SETD4: variants seen among roughly 807,000 people sequenced by gnomAD.
SETD4 encodes the protein SET domain containing 4.
A neutral mutation model predicts 58.3 loss-of-function variants in SETD4; 46 were observed. That is an observed-to-expected ratio of 0.79 (90% confidence interval 0.62 to 1.01). The LOEUF (loss-of-function observed/expected upper bound fraction) is 1.01, where lower values mean the gene tolerates loss of function less well. Among genes scored for constraint, SETD4 ranks in the 50% least tolerant of loss-of-function variants. The pLI is 0.00. For missense variants in SETD4, 490 were observed against 523.3 expected (o/e 0.94, Z 0.62); for synonymous variants, 190 against 202.6 (o/e 0.94, Z 0.53).
chr21:36,040,685 C>CCAT (rs1314694090), intron 8 of SETD4, 30 bp from the exon 9 acceptor site: 2 of 1,576,470 alleles, frequency 1.3e-6, no homozygotes, highest in Non-Finnish European at 1.7e-6. Flanking sequence ...AATGACAAAT[C>CCAT]CATCATTTCA....
chr21:36,042,565 C>T (rs1268212906), intron 7 of SETD4: 5 of 152,124 alleles, frequency 3.3e-5, no homozygotes, highest in Non-Finnish European at 7.3e-5. Context: ...TTTGAGAAAT[C>T]ACATTATTAT....
rs767180315 is a variant in SETD4, at chr21:36,058,857, A to G, written c.32T>C (p.Ile11Thr). The G allele has an allele frequency of 2.5e-6, 4 of 1,603,160 alleles. No individual in the cohort carries two copies. The East Asian group carries it at 6.7e-5, about 27-fold the overall frequency. MQKGKGRTSR[I>T]RRRKLCGSSE... ...ACTTCCGCAGAGTTTTCGTCTTCTG[A>G]TCCGGCTTGTTCTCCCTTTTCCTTT... The change falls in exon 2 of 12, where the codon ATC becomes ACC. Residue 11 changes from isoleucine to threonine, a missense_variant. Physicochemically the swap from Ile to Thr is moderately conservative, Grantham distance 89. Coordinates refer to ENST00000332131, the MANE Select transcript of SETD4 (RefSeq NM_017438.5).
At chr21:36,055,333 G>C (rs887696782) in intron 3 of SETD4, among the ~76,000 whole-genome samples, 2 of 152,104 alleles carry the variant, frequency 1.3e-5, no homozygotes, top group African/African-American at 2.4e-5. Context: ...TTTTCATATT[G>C]GATATACTAG....
intron 7 of SETD4, 127 bp downstream of exon 7, chr21:36,043,655 G>C: frequency 5.4e-6 from 8 of 1,471,336 alleles, no homozygotes; most frequent in Non-Finnish European, 7.2e-6. Flanking sequence ...GGCCTACCTA[G>C]AAGAAAATTA....
At chr21:36,041,077 G>A (rs1296528609) in intron 8 of SETD4, among the ~76,000 whole-genome samples, 1 of 149,768 alleles carries the variant, frequency 6.7e-6, no homozygotes, top group Admixed American at 6.7e-5. Context: ...GGAGAATGGC[G>A]TGAACCCGGG....
At chr21:36,047,744 A>C (rs1282266662) in intron 5 of SETD4, among the ~76,000 whole-genome samples, 1 of 149,608 alleles carries the variant, frequency 6.7e-6, no homozygotes, top group Admixed American at 6.8e-5. Flanking sequence ...TAATCCCAGC[A>C]CTTTGGGAGG....
Position 36,034,727 on chromosome 21 carries a change from T to TTGAC in SETD4, c.*1262_*1265dup, listed in dbSNP as rs1339037647. The TTGAC allele has an allele frequency of 1.3e-5, 2 of 152,180 alleles. No homozygotes were observed. Among genetic ancestry groups the TTGAC allele is most frequent in the African/African-American group, 2.4e-5 (1 of 41,434 alleles). 9.4% of individuals were successfully genotyped at this position (152,180 alleles called of 1,614,324 possible). On this transcript the variant is annotated 3_prime_UTR_variant, in exon 12 of 12. Transcript: ENST00000332131. ...CCCTGGAGCCCAGCCATGCAAATGG[T>TTGAC]TGACATGCTGCCGATGGCCGCTCTG...
intron 4 of SETD4, chr21:36,051,219 C>T (rs1351093435): frequency 7.5e-6 from 12 of 1,605,164 alleles, no homozygotes; most frequent in Non-Finnish European, 6.8e-6. Flanking sequence ...GGAGCTGGGT[C>T]CCCCAGCCAG....
At chr21:36,041,924 T>C (rs2064083655) in intron 7 of SETD4, 36 bp from the exon 8 acceptor site, 2 of 1,194,288 alleles carry the variant, frequency 1.7e-6, no homozygotes, top group South Asian at 2.8e-5. Context: ...TGTTAGGGCA[T>C]AAATTTGGAC....
intron 1 of SETD4, 180 bp downstream of exon 1, chr21:36,060,167 G>A (rs1362865989): frequency 1.0e-6 from 1 of 976,472 alleles, no homozygotes; most frequent in Non-Finnish European, 1.2e-6. Context: ...CTAAGTGTAG[G>A]ACTCCACAAG....
At position 36,038,237 on chromosome 21, in the gene SETD4, A is replaced by G; in HGVS notation, c.1101T>C (p.Ile367=). The change falls in exon 10 of 12, where the codon ATT becomes ATC. Residue 367 remains isoleucine, a synonymous_variant. Transcript: ENST00000332131. The part of the protein sequence containing the change: ...CWKKVLLGEV[I]SDTNEKTSLD... Reference sequence around the variant, plus strand: ...AACTTGTCTTCTCATTCGTATCTGAAATTACCTCCCCAAGAAGTACTTTTT... The same window carrying G: ...AACTTGTCTTCTCATTCGTATCTGAGATTACCTCCCCAAGAAGTACTTTTT... The G allele has an allele frequency of 6.2e-7, 1 of 1,614,052 alleles. No individual in the cohort carries two copies. The highest frequency in any genetic ancestry group is 8.5e-7 in the Non-Finnish European group (1 of 1,179,988).
chr21:36,036,138 A>T lies in SETD4; in HGVS notation c.1302T>A (p.Ser434Arg), dbSNP rs772968878. Residue 434 changes from serine to arginine, a missense_variant, in exon 11 of 12, where the codon AGT (serine) becomes AGA (arginine). Transcript: ENST00000332131. ...ILRASAETLH[S>R]LQTAFT ...GAAATCAGGTAAAAGCTGTTTGCAA[A>T]CTGTGCAGGGTCTCGGCAGATGCCC... 4.3e-6 allele frequency: 7 copies of T among 1,614,132 alleles called. No homozygotes were observed. The South Asian group carries it at 7.7e-5, about 18-fold the overall frequency.
intron 9 of SETD4, among the ~76,000 whole-genome samples, chr21:36,039,549 A>G (rs1178418418): frequency 6.6e-6 from 1 of 152,248 alleles, no homozygotes; most frequent in East Asian, 1.9e-4. Context: ...AAAACAAGAC[A>G]AAGGAAGACA....
chr21:36,052,050 G>A (rs1437244636), intron 4 of SETD4, among the ~76,000 whole-genome samples: 2 of 149,666 alleles, frequency 1.3e-5, no homozygotes, highest in East Asian at 3.9e-4. Context: ...TTTAAATGAT[G>A]AAAACATTAA....
At chr21:36,044,968 G>A (rs2064238247) in intron 6 of SETD4, among the ~76,000 whole-genome samples, 2 of 152,196 alleles carry the variant, frequency 1.3e-5, no homozygotes, top group Admixed American at 6.5e-5. Flanking sequence ...GCGCTGGGGA[G>A]GAGGCGATCT....
chr21:36,054,314 C>T (rs1479650184), intron 3 of SETD4, among the ~76,000 whole-genome samples: 2 of 152,246 alleles, frequency 1.3e-5, no homozygotes, highest in African/African-American at 4.8e-5. Context: ...AAGTTTCTCC[C>T]TTCATGCCTA....
intron 3 of SETD4, among the ~76,000 whole-genome samples, chr21:36,053,899 C>T (rs2064849286): frequency 1.3e-5 from 2 of 152,190 alleles, no homozygotes; most frequent in Admixed American, 1.3e-4. Flanking sequence ...GGGCCTCCTG[C>T]AGGACGCTTT....
At chr21:36,057,276 T>G in intron 2 of SETD4, 72 bp from the exon 3 acceptor site, 1 of 1,118,626 alleles carries the variant, frequency 8.9e-7, no homozygotes, top group Non-Finnish European at 1.4e-6. Context: ...TAAAAGAACA[T>G]GTCTGATGAA....
rs117574869 is a variant in SETD4, at chr21:36,041,463, C to T, written c.983+344G>A. 1.2e-4 allele frequency among the ~76,000 whole-genome samples: 18 copies of T among 152,304 alleles called. No individual in the cohort carries two copies. The East Asian group carries it at 3.1e-3, about 26-fold the overall frequency. ...AGAGCCTGCACCATGTTGCCAGGTGCGTGGGCTCTCCTGAGGCCCAGCCTG... is the reference window on the plus strand; with the variant it reads ...AGAGCCTGCACCATGTTGCCAGGTGTGTGGGCTCTCCTGAGGCCCAGCCTG... On this transcript the variant is annotated intron_variant, in intron 8 of 11. Coordinates refer to ENST00000332131, the MANE Select transcript of SETD4 (RefSeq NM_017438.5).
Sources: gnomAD v4.1 joint callset for allele counts (sites outside exome capture counted in the v4.1 genomes callset) on GRCh38, gnomAD v4.1.1 for gene constraint, MANE v1.5 for transcripts, NCBI Gene and HGNC (gene_info 2026-07-23, HGNC 2026-07-21) for gene names.